Variants in PCDH9 observed in about 807,000 individuals in gnomAD.
PCDH9 encodes protocadherin-9.
A neutral mutation model predicts 70.6 loss-of-function variants in PCDH9; 24 were observed. That is an observed-to-expected ratio of 0.34 (90% confidence interval 0.25 to 0.48). The LOEUF (loss-of-function observed/expected upper bound fraction) is 0.48. Among genes scored for constraint, PCDH9 ranks in the 20% least tolerant of loss-of-function variants. The pLI is 0.99. For missense variants in PCDH9, 1,281 were observed against 1,503.6 expected (o/e 0.85, Z 2.45); for synonymous variants, 562 against 558.5 (o/e 1.01, Z -0.09).
At chr13:67,147,432 C>T (rs1257344286) in intron 2 of PCDH9, among the ~76,000 whole-genome samples, 1 of 152,138 alleles carries the variant, frequency 6.6e-6, no homozygotes. Flanking sequence ...ATAGCAACAA[C>T]ATGCTGTTTG....
At chr13:66,367,168 T>C (rs1026174316) in intron 4 of PCDH9, among the ~76,000 whole-genome samples, 1 of 152,152 alleles carries the variant, frequency 6.6e-6, no homozygotes, top group Non-Finnish European at 1.5e-5. Flanking sequence ...GTATATTATG[T>C]AGGTTATTTA....
At chr13:67,154,607 C>A (rs139669156) in intron 2 of PCDH9, among the ~76,000 whole-genome samples, 1 of 65,360 alleles carries the variant, frequency 1.5e-5, no homozygotes, top group East Asian at 4.3e-4. Flanking sequence ...TATATATATA[C>A]ACACACACAC....
intron 3 of PCDH9, among the ~76,000 whole-genome samples, chr13:66,698,882 C>T (rs1326651404): frequency 1.3e-5 from 2 of 148,548 alleles, no homozygotes; most frequent in Non-Finnish European, 3.0e-5. Context: ...ACACTTCGCC[C>T]GGCTCAATTC....
At chr13:67,005,383 T>C (rs1328050916) in intron 2 of PCDH9, among the ~76,000 whole-genome samples, 1 of 152,206 alleles carries the variant, frequency 6.6e-6, no homozygotes, top group Non-Finnish European at 1.5e-5. Context: ...GGCTAGCAAC[T>C]TACTATATAA....
intron 4 of PCDH9, among the ~76,000 whole-genome samples, chr13:66,462,799 C>T (rs964204090): frequency 6.6e-6 from 1 of 151,694 alleles, no homozygotes; most frequent in Non-Finnish European, 1.5e-5. Flanking sequence ...AAAGCGTGCT[C>T]ATTATTTGCC....
intron 4 of PCDH9, among the ~76,000 whole-genome samples, chr13:66,530,597 A>G (rs1203300555): frequency 6.6e-6 from 1 of 152,006 alleles, no homozygotes; most frequent in African/African-American, 2.4e-5. Context: ...GCTATTTACA[A>G]TTAGGACAAT....
chr13:66,591,057 T>C (rs924225846), intron 4 of PCDH9, among the ~76,000 whole-genome samples: 5 of 151,772 alleles, frequency 3.3e-5, no homozygotes, highest in Admixed American at 6.6e-5. Context: ...TTCTTTATTA[T>C]TTAATGTTTC....
chr13:66,849,507 T>TAG (rs1302157476), intron 3 of PCDH9, among the ~76,000 whole-genome samples: 4,300 of 89,166 alleles, frequency 0.048, 98 homozygotes, highest in Non-Finnish European at 0.061. Context: ...TATATATATA[T>TAG]ATATATATAT....
intron 3 of PCDH9, among the ~76,000 whole-genome samples, chr13:66,843,430 TATTAAA>T (rs2081150678): frequency 6.6e-6 from 1 of 152,176 alleles, no homozygotes; most frequent in Non-Finnish European, 1.5e-5. Context: ...AGTCTAAACT[TATTAAA>T]ATTAAAATAC....
At chr13:66,542,677 A>AAT (rs891924125) in intron 4 of PCDH9, among the ~76,000 whole-genome samples, 2 of 112,268 alleles carry the variant, frequency 1.8e-5, no homozygotes, top group African/African-American at 5.5e-5. Context: ...TATATATTTA[A>AAT]ATATATATAT....
intron 4 of PCDH9, among the ~76,000 whole-genome samples, chr13:66,577,638 C>T (rs932654248): frequency 2.0e-5 from 3 of 151,880 alleles, no homozygotes; most frequent in African/African-American, 2.4e-5. Flanking sequence ...CTCCCCGCCC[C>T]CCTAACACAC....
At chr13:66,716,018 T>A (rs1057359344) in intron 3 of PCDH9, among the ~76,000 whole-genome samples, 3 of 152,184 alleles carry the variant, frequency 2.0e-5, no homozygotes, top group Non-Finnish European at 4.4e-5. Flanking sequence ...CCAATTGTGG[T>A]TGGAAAAAGC....
chr13:66,717,038 C>T (rs1056264576), intron 3 of PCDH9, among the ~76,000 whole-genome samples: 2 of 152,006 alleles, frequency 1.3e-5, no homozygotes, highest in African/African-American at 2.4e-5. Context: ...AGTGATTTTT[C>T]ATGTGTATAT....
intron 4 of PCDH9, among the ~76,000 whole-genome samples, chr13:66,463,738 A>G (rs1201681810): frequency 6.6e-6 from 1 of 151,758 alleles, no homozygotes; most frequent in Non-Finnish European, 1.5e-5. Context: ...CCTTATAGGC[A>G]ACATAGAAAT....
chr13:66,585,869 T>C (rs2076955812), intron 4 of PCDH9, among the ~76,000 whole-genome samples: 1 of 152,176 alleles, frequency 6.6e-6, no homozygotes, highest in Non-Finnish European at 1.5e-5. Context: ...AGTTTCAGTT[T>C]TGACCTAAGA....
At chr13:66,610,024 C>A (rs2077273064) in intron 4 of PCDH9, among the ~76,000 whole-genome samples, 1 of 139,754 alleles carries the variant, frequency 7.2e-6, no homozygotes, top group Non-Finnish European at 1.5e-5. Flanking sequence ...GTGGCGAGAT[C>A]TCGGCTCACT....
At chr13:66,731,377 A>G (rs1002004027) in intron 3 of PCDH9, among the ~76,000 whole-genome samples, 2 of 152,140 alleles carry the variant, frequency 1.3e-5, no homozygotes, top group Non-Finnish European at 2.9e-5. Context: ...ATGGCTTTCT[A>G]TGGTTACTTT....
chr13:66,311,336 TTC>T (rs1166153854), intron 4 of PCDH9, among the ~76,000 whole-genome samples: 42 of 140,682 alleles, frequency 3.0e-4, no homozygotes, highest in South Asian at 2.4e-4. Flanking sequence ...CCCTCAATTT[TTC>T]TCTCTCTCTC....
intron 3 of PCDH9, among the ~76,000 whole-genome samples, chr13:66,815,988 A>G (rs2080598624): frequency 6.6e-6 from 1 of 152,208 alleles, no homozygotes; most frequent in South Asian, 2.1e-4. Context: ...TTAAGAACAA[A>G]TATTACATTG....
Sources: allele counts gnomAD v4.1 joint callset (sites outside exome capture counted in the v4.1 genomes callset), GRCh38; gene constraint gnomAD v4.1.1; transcripts MANE v1.5; gene names NCBI Gene and HGNC (gene_info 2026-07-23, HGNC 2026-07-21).